The following GLIS3 variants were observed in gnomAD, a reference collection of about 807,000 sequenced individuals.
The protein encoded by GLIS3 is zinc finger protein GLIS3.
Under a neutral mutation model 78.6 loss-of-function variants are expected in GLIS3, and 53 were observed. That is an observed-to-expected ratio of 0.67 (90% CI 0.54 to 0.85). GLIS3 has a LOEUF of 0.85. GLIS3 is among the 40% of genes least tolerant of loss of function. The probability of loss-of-function intolerance (pLI) is 0.00; values close to 1 mark genes in which losing one functional copy is unlikely to be tolerated. For synonymous variants in GLIS3, 684 were observed against 509.9 expected, an observed-to-expected ratio of 1.34 and a Z score of -4.60; for missense variants, 1,703 against 1,231.1, an observed-to-expected ratio of 1.38 and a Z score of -5.74.
chr9:4,426,998 A>C, the GLIS3 span, among the ~76,000 whole-genome samples: 4 of 152,236 alleles, frequency 2.6e-5, no homozygotes, highest in African/African-American at 9.6e-5. Context: ...CCCATGTCTT[A>C]GTCACCATTT....
At chr9:4,366,696 G>C in the GLIS3 span, among the ~76,000 whole-genome samples, 1 of 152,216 alleles carries the variant, frequency 6.6e-6, no homozygotes, top group Non-Finnish European at 1.5e-5. Context: ...GACTGTCTTT[G>C]TTCTGAGCTG....
chr9:4,222,780 A>G (rs1026275519), intron 2 of GLIS3, among the ~76,000 whole-genome samples: 1 of 152,200 alleles, frequency 6.6e-6, no homozygotes, highest in African/African-American at 2.4e-5. Flanking sequence ...TGTCTTAACA[A>G]ATTTGTTTAG....
chr9:4,089,088 ATTTT>A (rs1369880923), intron 4 of GLIS3, among the ~76,000 whole-genome samples: 1 of 152,210 alleles, frequency 6.6e-6, no homozygotes, highest in South Asian at 2.1e-4. Context: ...CTTTACTTTT[ATTTT>A]TTATGAACTA....
At chr9:4,344,338 T>C (rs1817874039) in intron 2 of GLIS3, among the ~76,000 whole-genome samples, 1 of 152,206 alleles carries the variant, frequency 6.6e-6, no homozygotes, top group South Asian at 2.1e-4. Context: ...TCAGTCCTCA[T>C]CCTATTTCAC....
At chr9:4,071,926 A>T (rs1827645320) in intron 4 of GLIS3, 1 of 152,236 alleles carries the variant, frequency 6.6e-6, no homozygotes, top group Non-Finnish European at 1.5e-5. Flanking sequence ...ATATCAAGAA[A>T]CACACCAGAG....
intron 2 of GLIS3, among the ~76,000 whole-genome samples, chr9:4,326,626 G>A (rs1470580888): frequency 1.3e-5 from 2 of 151,992 alleles, no homozygotes; most frequent in Admixed American, 6.6e-5. Context: ...TGGTAATGAC[G>A]GCACAACAAC....
intron 9 of GLIS3, among the ~76,000 whole-genome samples, chr9:3,842,993 C>A (rs1818814980): frequency 6.6e-6 from 1 of 152,178 alleles, no homozygotes; most frequent in Non-Finnish European, 1.5e-5. Context: ...ATTACACTCT[C>A]AGTAGATATG....
At chr9:4,362,347 G>A in the GLIS3 span, among the ~76,000 whole-genome samples, 1 of 152,012 alleles carries the variant, frequency 6.6e-6, no homozygotes, top group Non-Finnish European at 1.5e-5. Flanking sequence ...ACTGGCTTGT[G>A]CACAACTGGA....
the GLIS3 span, among the ~76,000 whole-genome samples, chr9:4,360,156 G>A: frequency 3.9e-5 from 6 of 152,228 alleles, no homozygotes; most frequent in South Asian, 2.1e-4. Context: ...TATTTGTTCT[G>A]GAGAGGCAGC....
intron 2 of GLIS3, among the ~76,000 whole-genome samples, chr9:4,140,608 C>G (rs10974344): frequency 6.6e-6 from 1 of 151,924 alleles, no homozygotes; most frequent in East Asian, 1.9e-4. Context: ...TCCCCCAGAG[C>G]TGCTCAACTA....
At chr9:4,406,955 T>A in the GLIS3 span, among the ~76,000 whole-genome samples, 362 of 152,246 alleles carry the variant, frequency 2.4e-3, 9 homozygotes, top group East Asian at 0.061. Flanking sequence ...CTAAAATTTA[T>A]ATAGAATTAC....
At chr9:3,899,099 A>G (rs989103671) in intron 6 of GLIS3, 25 of 524,724 alleles carry the variant, frequency 4.8e-5, no homozygotes, top group Admixed American at 3.1e-4. Context: ...TGGCAACTCA[A>G]CTTCCTATTA....
chr9:3,915,378 A>G (rs1214417405), intron 6 of GLIS3, among the ~76,000 whole-genome samples: 2 of 152,114 alleles, frequency 1.3e-5, no homozygotes, highest in East Asian at 3.8e-4. Context: ...GTGGCTGCTC[A>G]CGGTATACAG....
intron 2 of GLIS3, among the ~76,000 whole-genome samples, chr9:4,209,484 C>G (rs906697257): frequency 1.3e-5 from 2 of 152,200 alleles, no homozygotes; most frequent in Non-Finnish European, 2.9e-5. Flanking sequence ...CAGAAAGCTT[C>G]TCAAGATGGA....
chr9:4,026,402 A>G (rs1453115651), intron 4 of GLIS3, among the ~76,000 whole-genome samples: 1 of 152,236 alleles, frequency 6.6e-6, no homozygotes, highest in Non-Finnish European at 1.5e-5. Flanking sequence ...AATGCCTACA[A>G]TGAGTTTCAT....
At chr9:4,011,639 C>A (rs1588448753) in intron 4 of GLIS3, among the ~76,000 whole-genome samples, 1 of 152,166 alleles carries the variant, frequency 6.6e-6, no homozygotes, top group East Asian at 1.9e-4. Context: ...CCTTCCGTCT[C>A]TAGTCCAGCT....
Position 4,060,445 on chromosome 9 carries a change from G to A in GLIS3, c.1710+57323C>T, listed in dbSNP as rs114004323. Among the ~76,000 whole-genome samples, 698 of 152,196 alleles carry A rather than the reference G, an allele frequency of 4.6e-3. 5 individuals carry two copies. The highest frequency in any genetic ancestry group is 9.5e-3 in the African/African-American group (396 of 41,530). On this transcript the variant is annotated intron_variant, in intron 4 of 10. Coordinates refer to ENST00000381971, the MANE Select transcript of GLIS3 (RefSeq NM_001042413.2). ...GTGTTATGATTTAATATTTGCCCCC[G>A]TGTTGAAACTTAATCCCCAGTGTGG...
At chr9:4,000,757 C>T (rs758880823) in intron 4 of GLIS3, among the ~76,000 whole-genome samples, 4 of 152,150 alleles carry the variant, frequency 2.6e-5, no homozygotes, top group African/African-American at 9.7e-5. Context: ...TAGTGACACA[C>T]TGAATTATCA....
the GLIS3 span, among the ~76,000 whole-genome samples, chr9:4,434,286 T>A: frequency 3.0e-4 from 46 of 152,272 alleles, no homozygotes; most frequent in Admixed American, 3.0e-3. Context: ...GTGTTAGTGG[T>A]AGTAGAAGTA....
Sources: allele counts gnomAD v4.1 joint callset (sites outside exome capture counted in the v4.1 genomes callset), GRCh38; gene constraint gnomAD v4.1.1; transcripts MANE v1.5; gene names NCBI Gene and HGNC (gene_info 2026-07-23, HGNC 2026-07-21).